HECTD4: variants seen among roughly 807,000 people sequenced by gnomAD.
HECTD4 encodes the protein HECT domain E3 ubiquitin protein ligase 4, also known as probable E3 ubiquitin-protein ligase HECTD4.
In HECTD4, 114 loss-of-function variants were observed where a neutral mutation model predicts 471.5. That is an observed-to-expected ratio of 0.24 (90% confidence interval 0.21 to 0.28). HECTD4 has a LOEUF of 0.28. HECTD4 is among the 10% of genes least tolerant of loss of function. The pLI is 1.00. For synonymous variants in HECTD4, 2,012 were observed against 2,256.0 expected (o/e 0.89, Z 3.07); for missense variants, 3,866 against 5,651.5 (o/e 0.68, Z 10.13).
At chr12:112,210,859 T>C (rs1348682513) in intron 49 of HECTD4, among the ~76,000 whole-genome samples, 1 of 152,238 alleles carries the variant, frequency 6.6e-6, no homozygotes, top group Non-Finnish European at 1.5e-5. Flanking sequence ...CTGCTATATA[T>C]CCAGAGCTCA....
At position 112,314,540 on chromosome 12, in the gene HECTD4, T is replaced by A; in HGVS notation, c.702A>T (p.Ser234=). 6.7e-7 allele frequency: 1 copy of A among 1,500,456 alleles called. No homozygotes were observed. Among genetic ancestry groups the A allele is most frequent in the South Asian group, 1.2e-5 (1 of 83,294 alleles). 92.9% of individuals were successfully genotyped at this position (1,500,456 alleles called of 1,614,324 possible). The change falls in exon 3 of 76, where the codon TCA becomes TCT. Residue 234 remains serine (S), a synonymous_variant. Coordinates refer to ENST00000682272, the MANE Select transcript of HECTD4 (RefSeq NM_001388303.1). The part of the protein sequence containing the change: ...ALVALACARG[S]LKTFVHTVHL... ...GGACTGTGTGGACGAAAGTTTTCAA[T>A]GATCCCCTAAAAATAAAAGGAAGGA...
chr12:112,184,961 G>A lies in HECTD4; in HGVS notation c.10005C>T (p.Asp3335=), dbSNP rs144439235. ...SGKRQSSRTV[D]SDPTVLSIGG... is the part of the protein sequence containing the mutation. ...CGATGCTGAGCACGGTGGGGTCCGA[G>A]TCCACGGTGCGGGAAGACTGGCGCT... Residue 3335 remains aspartate (D), a synonymous_variant, in exon 61 of 76, where the codon GAC becomes GAT. Transcript: ENST00000682272. This position sits in a 1 kb window ranked among gnomAD's most constrained non-coding sequence, Gnocchi z 9.1. 163 of 1,613,664 alleles carry A rather than the reference G, an allele frequency of 1.0e-4. No homozygotes were observed. The highest frequency in any genetic ancestry group is 1.3e-4 in the Non-Finnish European group (151 of 1,179,818).
intron 7 of HECTD4, among the ~76,000 whole-genome samples, chr12:112,290,848 C>CA (rs773634720): frequency 0.083 from 7,011 of 84,240 alleles, 594 homozygotes; most frequent in East Asian, 0.27. Flanking sequence ...AACTCCGTCT[C>CA]AAAAAAAAAC....
intron 54 of HECTD4, 51 bp from the exon 55 acceptor site, chr12:112,200,849 ATGTG>A: frequency 6.4e-7 from 1 of 1,560,734 alleles, no homozygotes; most frequent in Non-Finnish European, 8.7e-7. Context: ...TTTGTTTTCC[ATGTG>A]TGCGTGCGTG....
intron 35 of HECTD4, among the ~76,000 whole-genome samples, chr12:112,236,116 C>T (rs913337460): frequency 6.6e-6 from 1 of 151,886 alleles, no homozygotes; most frequent in African/African-American, 2.4e-5. Context: ...ATTTTTTTAA[C>T]GGGAAAAAAG....
chr12:112,193,762 C>T lies in HECTD4; in HGVS notation c.8750-88G>A, dbSNP rs945892072. On this transcript the variant is annotated intron_variant, in intron 56 of 75. Transcript: ENST00000682272. The surrounding 1 kb of genome is among the most constrained non-coding windows in gnomAD (Gnocchi z 5.2). ...AAGTAACAGAAAATGAATAACCCAT[C>T]CAGAAACCCCAGATGGGAGGGTTAT... 3.5e-6 allele frequency: 4 copies of T among 1,134,744 alleles called. No homozygotes were observed. In the Admixed American group the frequency reaches 8.0e-5, roughly 23 times the overall value. The allele number at this position is 1,134,744 out of a possible 1,614,324, so 70.3% of individuals were successfully genotyped here.
intron 72 of HECTD4, among the ~76,000 whole-genome samples, chr12:112,165,981 C>T (rs575606986): frequency 7.9e-5 from 12 of 152,308 alleles, no homozygotes; most frequent in Admixed American, 1.3e-4. Flanking sequence ...TGATACAAGT[C>T]GAGAGCACTT....
In HECTD4 at chr12:112,188,420, C is replaced by T. The variant is rs16941909; in HGVS notation, c.9472+2366G>A. On this transcript the variant is annotated intron_variant, in intron 60 of 75. Transcript: ENST00000682272. The surrounding 1 kb of genome is among the most constrained non-coding windows in gnomAD (Gnocchi z 4.2). ...GTCTAGAACCACAAGATGGACCACA[C>T]GTTTGTGCCAAGGTCTCCTTCATAC... Among the ~76,000 whole-genome samples the T allele has an allele frequency of 1.3e-5, 2 of 152,130 alleles. No individual in the cohort carries two copies. Among genetic ancestry groups the T allele is most frequent in the South Asian group, 2.1e-4 (1 of 4,830 alleles).
intron 48 of HECTD4, 101 bp from the exon 49 acceptor site, chr12:112,212,751 T>C (rs1391701205): frequency 7.2e-6 from 6 of 836,158 alleles, no homozygotes. Flanking sequence ...AGACTATTTA[T>C]GCTCTCATTT....
At chr12:112,377,709 A>G (rs1337407709) in intron 1 of HECTD4, among the ~76,000 whole-genome samples, 8 of 152,166 alleles carry the variant, frequency 5.3e-5, no homozygotes, top group Non-Finnish European at 1.2e-4. Flanking sequence ...AGTGTCTACT[A>G]AAAATACAAA....
Position 112,179,507 on chromosome 12 carries a change from T to C in HECTD4, c.10988-110A>G. ...TTTGAAAGGGGCAGTGGATGGACAT[T>C]AGTGGAAGGAAGAGCTGCCCACCAA... On this transcript the variant is annotated intron_variant, in intron 62 of 75. Transcript: ENST00000682272. This position sits in a 1 kb window ranked among gnomAD's most constrained non-coding sequence, Gnocchi z 4.3. The C allele has an allele frequency of 3.1e-6, 3 of 969,156 alleles. No homozygotes were observed. The highest frequency in any genetic ancestry group is 4.7e-6 in the Non-Finnish European group (3 of 638,068). The allele number at this position is 969,156 out of a possible 1,614,324, so 60.0% of individuals were successfully genotyped here.
chr12:112,171,204 G>C lies in HECTD4; in HGVS notation c.11845C>G (p.Leu3949Val), dbSNP rs1317699134. ...ACCAGGGGCAGGAAGAAGGTCTCCA[G>C]TGTGGTGTTGAGGGACTGCAGCAAG... ...FALLQSLNTTLETFFLPLVEL... is the reference protein window; with the variant it reads ...FALLQSLNTTVETFFLPLVEL... The change falls in exon 68 of 76, where the codon CTG (leucine) becomes GTG (valine). Residue 3949 changes from leucine (L) to valine (V), a missense_variant. By Grantham distance (32) the Leu-to-Val change is conservative. This residue lies in a region of HECTD4 where 715 missense variants were observed against 1,087.6 expected (regional missense o/e 0.66). Transcript: ENST00000682272. 6.2e-7 allele frequency: 1 copy of C among 1,613,028 alleles called. No individual in the cohort carries two copies. Among genetic ancestry groups the C allele is most frequent in the Non-Finnish European group, 8.5e-7 (1 of 1,179,626 alleles).
chr12:112,354,819 C>T (rs929276849), intron 1 of HECTD4, among the ~76,000 whole-genome samples: 5 of 152,088 alleles, frequency 3.3e-5, no homozygotes, highest in Non-Finnish European at 5.9e-5. Context: ...CTGGTTATTC[C>T]AATCCTAGTT....
In HECTD4 at chr12:112,247,046, A is replaced by G. The variant is rs374267439; in HGVS notation, c.4368T>C (p.Leu1456=). The change falls in exon 29 of 76, where the codon CTT becomes CTC. Residue 1456 remains leucine (L), a synonymous_variant. Coordinates refer to ENST00000682272, the MANE Select transcript of HECTD4 (RefSeq NM_001388303.1). ...REKFLQEVNS[L]IQKPSHPLAK... ...CCAGTGGGTGTGAGGGTTTCTGAATAAGAGAATTCACTTCTTGTAGGAACT... is the reference window on the plus strand; with the variant it reads ...CCAGTGGGTGTGAGGGTTTCTGAATGAGAGAATTCACTTCTTGTAGGAACT... The G allele has an allele frequency of 3.1e-6, 5 of 1,609,058 alleles. No individual in the cohort carries two copies. The African/African-American group carries it at 6.7e-5, about 22-fold the overall frequency.
intron 37 of HECTD4, among the ~76,000 whole-genome samples, 192 bp from the exon 38 acceptor site, chr12:112,233,277 A>G (rs1216738749): frequency 7.5e-6 from 1 of 133,844 alleles, no homozygotes. Flanking sequence ...GCTGGAGTGC[A>G]GTGGCGTGAT....
intron 13 of HECTD4, among the ~76,000 whole-genome samples, chr12:112,268,961 G>A (rs1347783652): frequency 2.5e-5 from 3 of 119,912 alleles, no homozygotes; most frequent in Admixed American, 1.1e-4. Context: ...TGCAAGCTCC[G>A]CCTCCCGGGT....
intron 1 of HECTD4, chr12:112,322,643 T>C (rs1449341284): frequency 6.6e-6 from 1 of 152,488 alleles, no homozygotes; most frequent in Non-Finnish European, 1.5e-5. Context: ...AGCTACAAGT[T>C]AAAGCTATGA....
intron 7 of HECTD4, among the ~76,000 whole-genome samples, chr12:112,304,558 T>C (rs908900666): frequency 2.0e-5 from 3 of 151,984 alleles, no homozygotes; most frequent in Non-Finnish European, 4.4e-5. Flanking sequence ...ACTCCTGGGC[T>C]CAAGAGATCC....
intron 32 of HECTD4, among the ~76,000 whole-genome samples, chr12:112,241,569 T>G (rs763639953): frequency 2.0e-5 from 3 of 152,172 alleles, no homozygotes; most frequent in Non-Finnish European, 4.4e-5. Context: ...TCAAGCGATC[T>G]TCCTGCCTCA....
Sources: allele counts gnomAD v4.1 joint callset (sites outside exome capture counted in the v4.1 genomes callset), GRCh38; gene constraint gnomAD v4.1.1; regional missense constraint gnomAD v4.1.1; non-coding constraint Gnocchi (gnomAD v3.1); transcripts MANE v1.5; gene names NCBI Gene and HGNC (gene_info 2026-07-23, HGNC 2026-07-21).